Variants in ATP6V1H observed in about 807,000 individuals in gnomAD.
The protein encoded by ATP6V1H is ATPase H+ transporting V1 subunit H.
In ATP6V1H, 39 loss-of-function variants were observed where a neutral mutation model predicts 71.7. The observed-to-expected ratio is 0.54, with a 90% CI of 0.42 to 0.71. ATP6V1H has a LOEUF of 0.71. Ranked by LOEUF, ATP6V1H falls within the 30% of genes least tolerant of loss-of-function variation. The pLI, the probability that ATP6V1H is intolerant of heterozygous loss-of-function variation, is 0.00. For synonymous variants in ATP6V1H, 192 were observed against 199.3 expected (o/e 0.96, Z 0.31); for missense variants, 509 against 594.9 (o/e 0.86, Z 1.50).
At chr8:53,752,964 A>T (rs1807854313) in intron 12 of ATP6V1H, among the ~76,000 whole-genome samples, 1 of 152,096 alleles carries the variant, frequency 6.6e-6, no homozygotes, top group Admixed American at 6.5e-5. Context: ...TTTGAGTATT[A>T]TGATTAATCT....
intron 2 of ATP6V1H, among the ~76,000 whole-genome samples, chr8:53,834,349 G>C (rs2130533126): frequency 6.6e-6 from 1 of 152,252 alleles, no homozygotes; most frequent in Middle Eastern, 3.4e-3. Context: ...TTAGAACATG[G>C]GTAAAAGCAA....
At chr8:53,774,412 GTTATC>G (rs1808790502) in intron 9 of ATP6V1H, among the ~76,000 whole-genome samples, 1 of 152,152 alleles carries the variant, frequency 6.6e-6, no homozygotes, top group African/African-American at 2.4e-5. Context: ...AGTTTGAACT[GTTATC>G]TTAAGTCAGA....
At chr8:53,805,423 ACTTTT>A (rs951288715) in intron 7 of ATP6V1H, among the ~76,000 whole-genome samples, 1 of 152,224 alleles carries the variant, frequency 6.6e-6, no homozygotes, top group African/African-American at 2.4e-5. Flanking sequence ...TGACTATTAA[ACTTTT>A]CTTTTTCTTT....
At chr8:53,754,286 T>G (rs1385731232) in intron 12 of ATP6V1H, among the ~76,000 whole-genome samples, 1 of 152,222 alleles carries the variant, frequency 6.6e-6, no homozygotes, top group Non-Finnish European at 1.5e-5. Flanking sequence ...CCCTCATTTC[T>G]ACACCATCTT....
At chr8:53,766,303 T>C (rs1030126633) in intron 11 of ATP6V1H, among the ~76,000 whole-genome samples, 2 of 152,256 alleles carry the variant, frequency 1.3e-5, no homozygotes, top group African/African-American at 2.4e-5. Context: ...TGGACACTTA[T>C]CACTTCCCCA....
In ATP6V1H at chr8:53,783,155, G is replaced by A. The variant is rs1437555095; in HGVS notation, c.871-10988C>T. On this transcript the variant is annotated intron_variant, in intron 9 of 13. Coordinates refer to ENST00000359530, the MANE Select transcript of ATP6V1H (RefSeq NM_015941.4). ...CTTGTACCTCTGGTAGAATTCGGCTGTGAATCCATCTGGTCCTGGACTTTT... is the reference window on the plus strand; with the variant it reads ...CTTGTACCTCTGGTAGAATTCGGCTATGAATCCATCTGGTCCTGGACTTTT... Among the ~76,000 whole-genome samples the A allele has an allele frequency of 2.1e-3, 323 of 152,134 alleles. 1 individual carries two copies. Among genetic ancestry groups the A allele is most frequent in the African/African-American group, 7.5e-3 (311 of 41,468 alleles).
intron 2 of ATP6V1H, among the ~76,000 whole-genome samples, chr8:53,835,188 T>G (rs952369060): frequency 6.6e-6 from 1 of 152,142 alleles, no homozygotes; most frequent in Non-Finnish European, 1.5e-5. Flanking sequence ...TGGCCCACTT[T>G]CAGAGCTGCC....
chr8:53,790,907 T>C (rs974328423), intron 9 of ATP6V1H, among the ~76,000 whole-genome samples: 2 of 152,242 alleles, frequency 1.3e-5, no homozygotes, highest in African/African-American at 4.8e-5. Flanking sequence ...TTTACAATTT[T>C]ACTTAATATT....
At chr8:53,812,040 C>T (rs1401947042) in intron 6 of ATP6V1H, among the ~76,000 whole-genome samples, 1 of 152,146 alleles carries the variant, frequency 6.6e-6, no homozygotes, top group Non-Finnish European at 1.5e-5. Context: ...GTAGCACTAT[C>T]GCATGACAAT....
intron 4 of ATP6V1H, among the ~76,000 whole-genome samples, chr8:53,819,839 CACAT>C (rs1157283261): frequency 3.4e-5 from 5 of 147,604 alleles, no homozygotes; most frequent in Admixed American, 6.8e-5. Flanking sequence ...CACACACACA[CACAT>C]ACATACATAC....
chr8:53,774,703 A>G (rs924699459), intron 9 of ATP6V1H, among the ~76,000 whole-genome samples: 3 of 148,640 alleles, frequency 2.0e-5, no homozygotes, highest in African/African-American at 7.4e-5. Context: ...TCTAGATATG[A>G]AAAAAAAAAG....
At chr8:53,754,936 T>C (rs1807947075) in intron 12 of ATP6V1H, among the ~76,000 whole-genome samples, 1 of 152,224 alleles carries the variant, frequency 6.6e-6, no homozygotes, top group Non-Finnish European at 1.5e-5. Flanking sequence ...GGCTGAGGGA[T>C]AGCTTTGGAA....
chr8:53,837,831 C>T (rs1392276838), intron 2 of ATP6V1H, among the ~76,000 whole-genome samples: 3 of 152,240 alleles, frequency 2.0e-5, no homozygotes, highest in East Asian at 1.9e-4. Context: ...ACAACATGCA[C>T]GAGGCAGGAA....
At chr8:53,768,118 C>A (rs147459689) in intron 11 of ATP6V1H, among the ~76,000 whole-genome samples, 1 of 152,020 alleles carries the variant, frequency 6.6e-6, no homozygotes, top group Admixed American at 6.6e-5. Flanking sequence ...AAAAAATGAG[C>A]CAAGCATCTG....
rs139732082 is a variant in ATP6V1H, at chr8:53,720,931, T to C, written c.1392-4907A>G. On this transcript the variant is annotated intron_variant, in intron 13 of 13. Coordinates refer to ENST00000359530, the MANE Select transcript of ATP6V1H (RefSeq NM_015941.4). ...ATGTTCTTGGAATTCTATAGCCTAC[T>C]TCTGTGGGTTTGTCATAACGATCAT... Among the ~76,000 whole-genome samples, 347 of 152,332 alleles carry C rather than the reference T, an allele frequency of 2.3e-3. 2 individuals carry two copies. The highest frequency in any genetic ancestry group is 8.1e-3 in the African/African-American group (336 of 41,582).
chr8:53,728,900 G>A (rs1016327671), intron 13 of ATP6V1H, among the ~76,000 whole-genome samples: 32 of 152,312 alleles, frequency 2.1e-4, no homozygotes, highest in African/African-American at 7.5e-4. Flanking sequence ...TTCTGTACTT[G>A]TTGGTCCTCC....
intron 13 of ATP6V1H, among the ~76,000 whole-genome samples, chr8:53,737,112 T>G (rs1405335493): frequency 5.3e-5 from 8 of 152,230 alleles, no homozygotes; most frequent in African/African-American, 1.4e-4. Flanking sequence ...CAGGCATTTC[T>G]CTCTCAGGGA....
At chr8:53,735,429 A>C (rs1486932246) in intron 13 of ATP6V1H, among the ~76,000 whole-genome samples, 2 of 152,250 alleles carry the variant, frequency 1.3e-5, no homozygotes, top group Non-Finnish European at 2.9e-5. Context: ...CACAAAGTTC[A>C]GAAAAAGGTA....
At chr8:53,733,115 G>C (rs1055152843) in intron 13 of ATP6V1H, among the ~76,000 whole-genome samples, 4 of 152,170 alleles carry the variant, frequency 2.6e-5, no homozygotes, top group Admixed American at 6.5e-5. Flanking sequence ...AAAGCCTCAA[G>C]CCTTAATTAA....
Sources: allele counts gnomAD v4.1 joint callset (sites outside exome capture counted in the v4.1 genomes callset), GRCh38; gene constraint gnomAD v4.1.1; transcripts MANE v1.5; gene names NCBI Gene and HGNC (gene_info 2026-07-23, HGNC 2026-07-21).